The following CAP1 variants were observed in gnomAD, a reference collection of about 807,000 sequenced individuals.
CAP1 encodes the protein cyclase associated actin cytoskeleton regulatory protein 1, also known as adenylyl cyclase-associated protein 1.
Under a neutral mutation model 58.2 loss-of-function variants are expected in CAP1, and 11 were observed. The observed-to-expected ratio is 0.19, with a 90% CI of 0.12 to 0.31. The LOEUF (loss-of-function observed/expected upper bound fraction) is 0.31. Among genes scored for constraint, CAP1 ranks in the 10% least tolerant of loss-of-function variants. The probability of loss-of-function intolerance (pLI) is 1.00; values close to 1 mark genes in which losing one functional copy is unlikely to be tolerated. For synonymous variants in CAP1, 183 were observed against 213.8 expected (o/e 0.86, Z 1.26); for missense variants, 423 against 587.5 (o/e 0.72, Z 2.89).
chr1:40,040,841 G>A, intron 1 of CAP1, 40 bp downstream of exon 1: 1 of 153,040 alleles, frequency 6.5e-6, no homozygotes, highest in Non-Finnish European at 1.5e-5. Flanking sequence ...GGTCCCTTCC[G>A]GGGCCCATCG....
Position 40,059,344 on chromosome 1 carries a change from A to C in CAP1, c.-3A>C. 1 of 1,594,346 alleles carries C rather than the reference A, an allele frequency of 6.3e-7. No homozygotes were observed. Among genetic ancestry groups the C allele is most frequent in the Non-Finnish European group, 8.6e-7 (1 of 1,161,972 alleles). ...TTTGATCTGTTTCAGCAGGTGGTCCATTATGGCTGACATGCAAAATCTGGT... is the reference window on the plus strand; with the variant it reads ...TTTGATCTGTTTCAGCAGGTGGTCCCTTATGGCTGACATGCAAAATCTGGT... On this transcript the variant is annotated 5_prime_UTR_variant, in exon 2 of 13. Coordinates refer to ENST00000372805, the MANE Select transcript of CAP1 (RefSeq NM_006367.4).
At chr1:40,042,285 G>A (rs1645872692) in intron 1 of CAP1, among the ~76,000 whole-genome samples, 1 of 152,208 alleles carries the variant, frequency 6.6e-6, no homozygotes, top group African/African-American at 2.4e-5. Context: ...AGAGGAAATA[G>A]ACAAGTAAAT....
chr1:40,060,289 A>G (rs549378844), intron 3 of CAP1, 119 bp downstream of exon 3: 26 of 656,646 alleles, frequency 4.0e-5, no homozygotes, highest in Non-Finnish European at 6.1e-5. Flanking sequence ...TTGGGGCATT[A>G]CACATGTTCT....
chr1:40,070,408 C>T (rs1288743062), intron 10 of CAP1, 22 bp from the exon 11 acceptor site: 1 of 1,606,380 alleles, frequency 6.2e-7, no homozygotes, highest in Admixed American at 1.7e-5. Flanking sequence ...TACACGTTGA[C>T]ACACTCCCTT....
chr1:40,069,411 C>A (rs1647360662), intron 8 of CAP1, among the ~76,000 whole-genome samples: 1 of 151,558 alleles, frequency 6.6e-6, no homozygotes, highest in African/African-American at 2.4e-5. Flanking sequence ...TGTGCACATA[C>A]ATTTGATATG....
chr1:40,070,001 C>T (rs1557698665), intron 9 of CAP1, 127 bp downstream of exon 9: 1 of 1,394,928 alleles, frequency 7.2e-7, no homozygotes. Context: ...CCTCCGCCTC[C>T]CGGGGAAAAG....
At chr1:40,052,948 G>A (rs1646444693) in intron 1 of CAP1, among the ~76,000 whole-genome samples, 1 of 152,042 alleles carries the variant, frequency 6.6e-6, no homozygotes, top group South Asian at 2.1e-4. Context: ...AAATTGGCCA[G>A]GCATGGTGGC....
intron 3 of CAP1, 69 bp downstream of exon 3, chr1:40,060,239 C>T: frequency 8.6e-7 from 1 of 1,156,160 alleles, no homozygotes; most frequent in Non-Finnish European, 1.3e-6. Flanking sequence ...CCAAGGTCCT[C>T]ATCCTTGGTT....
At chr1:40,041,288 G>A (rs1409444802) in intron 1 of CAP1, 6 of 152,234 alleles carry the variant, frequency 3.9e-5, no homozygotes, top group Non-Finnish European at 8.8e-5. Flanking sequence ...ATGGTCTTCC[G>A]GTCGGTGTTG....
chr1:40,050,961 TC>T (rs1317759017), intron 1 of CAP1, among the ~76,000 whole-genome samples: 5 of 152,178 alleles, frequency 3.3e-5, no homozygotes, highest in Non-Finnish European at 5.9e-5. Flanking sequence ...TACTCCATGT[TC>T]CATGCAGGCT....
At chr1:40,068,523 C>A (rs931548655) in intron 8 of CAP1, among the ~76,000 whole-genome samples, 5 of 151,908 alleles carry the variant, frequency 3.3e-5, no homozygotes, top group Admixed American at 3.3e-4. Flanking sequence ...GGTGATCTGC[C>A]CACCTCGGCC....
intron 4 of CAP1, among the ~76,000 whole-genome samples, chr1:40,062,498 C>G (rs1042053379): frequency 6.6e-6 from 1 of 152,080 alleles, no homozygotes; most frequent in South Asian, 2.1e-4. Context: ...TCCTGTAATC[C>G]CAGCACTTTG....
At chr1:40,068,214 A>G (rs992792519) in intron 8 of CAP1, among the ~76,000 whole-genome samples, 1 of 152,228 alleles carries the variant, frequency 6.6e-6, no homozygotes, top group Non-Finnish European at 1.5e-5. Flanking sequence ...GTAACAACCT[A>G]AATCCAACTG....
rs545078873 is a variant in CAP1, at chr1:40,061,968, C to A, written c.294+156C>A. ...CAGAGGTAGAGCCATACTTCAAGTG[C>A]CTTAATGGGAAGGTACTATTGGGTA... On this transcript the variant is annotated intron_variant, in intron 4 of 12. Coordinates refer to ENST00000372805, the MANE Select transcript of CAP1 (RefSeq NM_006367.4). Among the ~76,000 whole-genome samples, 4 of 152,228 alleles carry A rather than the reference C, an allele frequency of 2.6e-5. No individual in the cohort carries two copies. The East Asian group carries it at 5.8e-4, about 22-fold the overall frequency.
rs1647611460 is a variant in CAP1, at chr1:40,070,221, C to T, written c.1056C>T (p.Tyr352=). The T allele has an allele frequency of 6.2e-7, 1 of 1,614,056 alleles. No homozygotes were observed. Among genetic ancestry groups the T allele is most frequent in the Non-Finnish European group, 8.5e-7 (1 of 1,180,000 alleles). ...IEDTELKQVA[Y]IYKCVNTTLQ... Reference sequence around the variant, plus strand: ...ACACAGAGCTGAAACAGGTGGCTTACATATACAAGTGTGTCAACACGACAT... The same window carrying T: ...ACACAGAGCTGAAACAGGTGGCTTATATATACAAGTGTGTCAACACGACAT... Residue 352 remains tyrosine (Y), a synonymous_variant, in exon 10 of 13, where the codon TAC becomes TAT. Transcript: ENST00000372805.
At chr1:40,051,950 A>G (rs1053830147) in intron 1 of CAP1, among the ~76,000 whole-genome samples, 1 of 152,068 alleles carries the variant, frequency 6.6e-6, no homozygotes, top group Non-Finnish European at 1.5e-5. Context: ...TATTCCATTC[A>G]CATTTTATTT....
chr1:40,067,581 C>A lies in CAP1; in HGVS notation c.672C>A (p.Pro224=), dbSNP rs373208004. ...AKELSGLPSG[P]SAGSCPPPPP... is the part of the protein sequence containing the mutation. ...AACTGAGCGGACTGCCATCTGGACC[C>A]TCTGCCGGATCATGTCCTCCTCCCC... The change falls in exon 8 of 13, where the codon CCC becomes CCA. Residue 224 remains proline, a synonymous_variant. Transcript: ENST00000372805. 1 of 1,610,204 alleles carries A rather than the reference C, an allele frequency of 6.2e-7. No individual in the cohort carries two copies.
intron 2 of CAP1, among the ~76,000 whole-genome samples, 177 bp downstream of exon 2, chr1:40,059,635 G>T (rs2124344020): frequency 6.6e-6 from 1 of 151,954 alleles, no homozygotes. Flanking sequence ...GAGGCCTGTG[G>T]TTAAGTTATT....
rs949187361 is a variant in CAP1 at position 40,070,841 on chromosome 1, G to A, written c.1206G>A (p.Met402Ile). 3.7e-6 allele frequency: 6 copies of A among 1,610,170 alleles called. No homozygotes were observed. Among genetic ancestry groups the A allele is most frequent in the African/African-American group, 1.3e-5 (1 of 74,694 alleles). Residue 402 changes from methionine to isoleucine, a missense_variant, in exon 12 of 13, where the codon ATG becomes ATA. Transcript: ENST00000372805. ...TCTCTTTGTTTACTCTGCAGGTAAT[G>A]GGTAAAGTGCCAACCATATCCATCA... Reference protein sequence around the residue: ...INSKDVKVQVMGKVPTISINK... With the variant: ...INSKDVKVQVIGKVPTISINK...
Sources: gnomAD v4.1 joint callset for allele counts (sites outside exome capture counted in the v4.1 genomes callset) on GRCh38, gnomAD v4.1.1 for gene constraint, MANE v1.5 for transcripts, NCBI Gene and HGNC (gene_info 2026-07-23, HGNC 2026-07-21) for gene names.